The following ABAT variants were observed in gnomAD, a reference collection of about 807,000 sequenced individuals.
The protein encoded by ABAT is 4-aminobutyrate aminotransferase, mitochondrial.
A neutral mutation model predicts 64.6 loss-of-function variants in ABAT; 45 were observed. That is an observed-to-expected ratio of 0.70 (90% CI 0.55 to 0.89). ABAT has a LOEUF of 0.89. Ranked by LOEUF, ABAT falls within the 40% of genes least tolerant of loss-of-function variation. The pLI is 0.00. For synonymous variants in ABAT, 297 were observed against 250.5 expected (o/e 1.19, Z -1.75); for missense variants, 633 against 658.4 (o/e 0.96, Z 0.42).
intron 10 of ABAT, 83 bp downstream of exon 10, chr16:8,768,339 G>C: frequency 7.1e-7 from 1 of 1,399,454 alleles, no homozygotes; most frequent in Non-Finnish European, 1.0e-6. Context: ...GACATTAGCA[G>C]TTTACACATA....
At chr16:8,778,443 C>T (rs932543383) in intron 14 of ABAT, among the ~76,000 whole-genome samples, 1 of 152,104 alleles carries the variant, frequency 6.6e-6, no homozygotes, top group Non-Finnish European at 1.5e-5. Context: ...CCCCACTGTG[C>T]CTGTGTCTGT....
chr16:8,780,865 C>G (rs755343998), intron 15 of ABAT: 3 of 372,648 alleles, frequency 8.1e-6, no homozygotes, highest in African/African-American at 4.1e-5. Flanking sequence ...GTCCCTCCTC[C>G]GTAATAGCTC....
chr16:8,757,423 C>T, intron 5 of ABAT: 1 of 366,000 alleles, frequency 2.7e-6, no homozygotes, highest in Admixed American at 3.7e-5. Flanking sequence ...CCGCCTTGGC[C>T]TCCCGAAGTG....
chr16:8,678,616 G>A (rs1302013400), intron 1 of ABAT, among the ~76,000 whole-genome samples: 1 of 152,174 alleles, frequency 6.6e-6, no homozygotes, highest in East Asian at 1.9e-4. Flanking sequence ...AACTTCAATG[G>A]CATGCTCTTT....
chr16:8,742,151 A>T (rs2059180622), intron 2 of ABAT, among the ~76,000 whole-genome samples: 1 of 151,940 alleles, frequency 6.6e-6, no homozygotes, highest in Non-Finnish European at 1.5e-5. Flanking sequence ...GCCAGTTCTC[A>T]CCCTTTCTTC....
chr16:8,756,509 TATTTTA>T (rs2059653611), intron 5 of ABAT, among the ~76,000 whole-genome samples: 1 of 152,236 alleles, frequency 6.6e-6, no homozygotes, highest in Non-Finnish European at 1.5e-5. Context: ...ATTGTCTCGT[TATTTTA>T]ATTTTAATAG....
In ABAT at chr16:8,779,540, C is replaced by A; in HGVS notation, c.1331C>A (p.Thr444Asn). The A allele has an allele frequency of 3.1e-6, 5 of 1,614,180 alleles. No homozygotes were observed. The highest frequency in any genetic ancestry group is 3.3e-4 in the Middle Eastern group (2 of 6,060). ...CGAGGCACCTTTTGCTCCTTCGATA[C>A]TCCCGATGATTCCATACGGAATAAG... The part of the protein sequence containing the change: ...RGRGTFCSFD[T>N]PDDSIRNKLI... The change falls in exon 15 of 16, where the codon ACT becomes AAT. Residue 444 changes from threonine to asparagine, a missense_variant. Thr to Asn is a moderately conservative substitution (Grantham distance 65, BLOSUM62 0). Transcript: ENST00000268251.
Position 8,766,269 on chromosome 16 carries a change from A to G in ABAT, c.602A>G (p.Gln201Arg). Residue 201 changes from glutamine (Q) to arginine (R), a missense_variant and splice_region_variant, in exon 9 of 16, where the codon CAG becomes CGG. Coordinates refer to ENST00000268251, the MANE Select transcript of ABAT (RefSeq NM_020686.6). ...QEELETCMINQAPGCPDYSIL... is the reference protein window; with the variant it reads ...QEELETCMINRAPGCPDYSIL... ...GAGCTGGAGACGTGCATGATTAACCAGGTGAGTGCAGCTGGGCTTGCACCA... is the reference window on the plus strand; with the variant it reads ...GAGCTGGAGACGTGCATGATTAACCGGGTGAGTGCAGCTGGGCTTGCACCA... 1.2e-6 allele frequency: 2 copies of G among 1,613,950 alleles called. No individual in the cohort carries two copies. The highest frequency in any genetic ancestry group is 1.7e-6 in the Non-Finnish European group (2 of 1,179,878).
intron 1 of ABAT, among the ~76,000 whole-genome samples, chr16:8,709,744 A>G (rs2058027828): frequency 6.6e-6 from 1 of 152,094 alleles, no homozygotes; most frequent in East Asian, 1.9e-4. Context: ...GAGTGAGAAA[A>G]GCGTGGACTT....
chr16:8,732,540 A>T (rs545069804), intron 1 of ABAT, among the ~76,000 whole-genome samples: 8 of 151,618 alleles, frequency 5.3e-5, no homozygotes, highest in Non-Finnish European at 5.9e-5. Context: ...GGTTGGGGGT[A>T]AGGTCACAGA....
intron 14 of ABAT, among the ~76,000 whole-genome samples, 198 bp from the exon 15 acceptor site, chr16:8,779,281 A>G (rs527433974): frequency 3.3e-5 from 5 of 152,104 alleles, no homozygotes; most frequent in Non-Finnish European, 5.9e-5. Flanking sequence ...TTTTTCCTCC[A>G]CACAACACAC....
chr16:8,731,600 C>G (rs2058720523), intron 1 of ABAT: 1 of 151,876 alleles, frequency 6.6e-6, no homozygotes, highest in Non-Finnish European at 1.5e-5. Context: ...GTATGTCAAC[C>G]TCAACACCAA....
intron 1 of ABAT, among the ~76,000 whole-genome samples, chr16:8,687,123 G>A (rs1177043312): frequency 6.6e-6 from 1 of 152,148 alleles, no homozygotes; most frequent in East Asian, 1.9e-4. Flanking sequence ...TGTGGAGAGA[G>A]AGGGAAACAG....
At chr16:8,706,005 C>A (rs1272254614) in intron 1 of ABAT, among the ~76,000 whole-genome samples, 4 of 152,094 alleles carry the variant, frequency 2.6e-5, no homozygotes, top group Non-Finnish European at 5.9e-5. Flanking sequence ...CTCCTTTAAT[C>A]TATAAAATGG....
At chr16:8,682,438 C>T (rs2057357603) in intron 1 of ABAT, among the ~76,000 whole-genome samples, 1 of 152,188 alleles carries the variant, frequency 6.6e-6, no homozygotes, top group Non-Finnish European at 1.5e-5. Flanking sequence ...CCCTTTATCT[C>T]TGTCTAGCAC....
At chr16:8,769,164 T>C (rs1251624242) in intron 11 of ABAT, among the ~76,000 whole-genome samples, 191 bp downstream of exon 11, 4 of 152,228 alleles carry the variant, frequency 2.6e-5, no homozygotes, top group African/African-American at 9.6e-5. Context: ...TGAGACACAC[T>C]GTTTCTGTCA....
chr16:8,740,176 A>C (rs890448804), intron 2 of ABAT, among the ~76,000 whole-genome samples: 1 of 152,164 alleles, frequency 6.6e-6, no homozygotes. Flanking sequence ...CTTTTGAGCT[A>C]AGCCCAGTTG....
rs1159680540 is a variant in ABAT, at chr16:8,734,629, G to A, written c.-41-1070G>A. The stretch of plus-strand genomic sequence containing the variant: ...ATGTAAAGCGTTTTGTGCAGCATGC[G>A]TCACACAGAAAGGACTCGGGAAACA... On this transcript the variant is annotated intron_variant, in intron 1 of 15. Coordinates refer to ENST00000268251, the MANE Select transcript of ABAT (RefSeq NM_020686.6). Among the ~76,000 whole-genome samples, 9 of 152,244 alleles carry A rather than the reference G, an allele frequency of 5.9e-5. No individual in the cohort carries two copies. The South Asian group carries it at 8.3e-4, about 14-fold the overall frequency.
chr16:8,698,340 T>C (rs1291097210), intron 1 of ABAT, among the ~76,000 whole-genome samples: 1 of 152,040 alleles, frequency 6.6e-6, no homozygotes, highest in Non-Finnish European at 1.5e-5. Flanking sequence ...GGCTCTTTTT[T>C]TTTTTTCTTT....
Sources: allele counts gnomAD v4.1 joint callset (sites outside exome capture counted in the v4.1 genomes callset), GRCh38; gene constraint gnomAD v4.1.1; transcripts MANE v1.5; gene names NCBI Gene and HGNC (gene_info 2026-07-23, HGNC 2026-07-21).